CACNA2D1: variants seen among roughly 807,000 people sequenced by gnomAD.
CACNA2D1 encodes the protein calcium voltage-gated channel auxiliary subunit alpha2delta 1.
CACNA2D1 carries 53 observed loss-of-function variants against 171.5 expected under a neutral mutation model. That is an observed-to-expected ratio of 0.31 (90% CI 0.25 to 0.39). The LOEUF (loss-of-function observed/expected upper bound fraction) is 0.39. Ranked by LOEUF, CACNA2D1 falls within the 10% of genes least tolerant of loss-of-function variation. The pLI is 1.00. For synonymous variants in CACNA2D1, 442 were observed against 443.1 expected (o/e 1.00, Z 0.03); for missense variants, 903 against 1,299.8 (o/e 0.69, Z 4.69).
chr7:82,389,718 C>T (rs909312129), intron 1 of CACNA2D1, among the ~76,000 whole-genome samples: 1 of 152,160 alleles, frequency 6.6e-6, no homozygotes, highest in Non-Finnish European at 1.5e-5. Flanking sequence ...CTTTAAAACA[C>T]AGTTAACTGT....
intron 3 of CACNA2D1, among the ~76,000 whole-genome samples, chr7:82,278,452 G>C (rs1809638536): frequency 6.6e-6 from 1 of 151,422 alleles, no homozygotes; most frequent in South Asian, 2.1e-4. Flanking sequence ...CAGCTACTCA[G>C]GAGGCTGAGG....
At chr7:82,388,172 T>C (rs1481912037) in intron 1 of CACNA2D1, among the ~76,000 whole-genome samples, 1 of 152,190 alleles carries the variant, frequency 6.6e-6, no homozygotes, top group South Asian at 2.1e-4. Context: ...CTTCTTCTTA[T>C]ATAAAAACAG....
At chr7:82,009,136 G>A (rs1258749528) in intron 15 of CACNA2D1, 1 of 152,024 alleles carries the variant, frequency 6.6e-6, no homozygotes, top group African/African-American at 2.4e-5. Flanking sequence ...AATTTCTCAC[G>A]AGGTCTGATG....
Position 81,984,685 on chromosome 7 carries a change from C to T in CACNA2D1, c.1823G>A (p.Ser608Asn). The change falls in exon 22 of 39, where the codon AGT (serine) becomes AAT (asparagine). Residue 608 changes from serine to asparagine, a missense_variant. By Grantham distance (46) the Ser-to-Asn change is conservative. This residue lies in a region of CACNA2D1 where 623 missense variants were observed against 925.5 expected (regional missense o/e 0.67). Coordinates refer to ENST00000356860, the MANE Select transcript of CACNA2D1 (RefSeq NM_000722.4). The part of the protein sequence containing the change: ...YSLALVLPTY[S>N]FYYIKAKLEE... ...TAGTTTGGCTTTTATATAGTAAAAA[C>T]TGTAGGTTGGTAATACCAAGGCCAA... 1 of 1,566,770 alleles carries T rather than the reference C, an allele frequency of 6.4e-7. No homozygotes were observed. The highest frequency in any genetic ancestry group is 8.7e-7 in the Non-Finnish European group (1 of 1,149,996).
intron 6 of CACNA2D1, 50 bp from the exon 7 acceptor site, chr7:82,084,950 A>C: frequency 1.7e-4 from 223 of 1,306,412 alleles, no homozygotes; most frequent in Non-Finnish European, 2.3e-4. Flanking sequence ...GTAATTAAAA[A>C]CTGAATGTCT....
chr7:82,417,074 A>G (rs528440566), intron 1 of CACNA2D1, among the ~76,000 whole-genome samples: 1 of 152,336 alleles, frequency 6.6e-6, no homozygotes, highest in East Asian at 1.9e-4. Flanking sequence ...CAATCTACAT[A>G]TATGTATAGA....
At chr7:82,041,949 C>T (rs6970802) in intron 10 of CACNA2D1, among the ~76,000 whole-genome samples, 45,171 of 151,990 alleles carry the variant, frequency 0.3, 7,049 homozygotes, top group African/African-American at 0.38. Context: ...ATGTATTGCT[C>T]AGAGTCTTTC....
intron 3 of CACNA2D1, among the ~76,000 whole-genome samples, chr7:82,177,806 G>C (rs988110627): frequency 1.3e-5 from 2 of 152,046 alleles, no homozygotes; most frequent in Non-Finnish European, 2.9e-5. Flanking sequence ...AAGACATGTT[G>C]ATCCCCTCTC....
chr7:81,967,094 T>C (rs1049468716), intron 31 of CACNA2D1, 75 bp downstream of exon 31: 18 of 1,063,306 alleles, frequency 1.7e-5, no homozygotes, highest in African/African-American at 1.4e-4. Flanking sequence ...TGCATATTTT[T>C]TCATCACTAT....
intron 3 of CACNA2D1, among the ~76,000 whole-genome samples, chr7:82,320,035 G>T (rs1815620629): frequency 6.6e-6 from 1 of 151,916 alleles, no homozygotes; most frequent in African/African-American, 2.4e-5. Flanking sequence ...ATATGAGCTG[G>T]TATCTGGAAT....
intron 1 of CACNA2D1, among the ~76,000 whole-genome samples, chr7:82,441,596 CA>C (rs2129460085): frequency 6.6e-6 from 1 of 152,112 alleles, no homozygotes; most frequent in South Asian, 2.1e-4. Flanking sequence ...TTCTTCTTAA[CA>C]ATAAGGATTT....
At chr7:82,178,418 G>C (rs1796779307) in intron 3 of CACNA2D1, among the ~76,000 whole-genome samples, 1 of 152,068 alleles carries the variant, frequency 6.6e-6, no homozygotes. Context: ...TGGGTCTACA[G>C]CGCAAAATAA....
At chr7:82,197,692 C>T (rs1312037413) in intron 3 of CACNA2D1, among the ~76,000 whole-genome samples, 2 of 151,936 alleles carry the variant, frequency 1.3e-5, no homozygotes, top group East Asian at 3.9e-4. Context: ...TACCAGTTTT[C>T]AGAAGAATTA....
rs114046552 is a variant in CACNA2D1 at position 82,167,035 on chromosome 7, G to A, written c.354+3515C>T. On this transcript the variant is annotated intron_variant, in intron 4 of 38. Transcript: ENST00000356860. ...GAAACTTGCCTACTTACACTTGAGG[G>A]AAGAATCAGAATATTACATTGCTCT... Among the ~76,000 whole-genome samples the A allele has an allele frequency of 6.9e-3, 1,044 of 152,120 alleles. 11 individuals are homozygous for A. Among genetic ancestry groups the A allele is most frequent in the African/African-American group, 0.024 (981 of 41,532 alleles).
At chr7:82,261,284 C>T (rs970702287) in intron 3 of CACNA2D1, among the ~76,000 whole-genome samples, 1 of 152,054 alleles carries the variant, frequency 6.6e-6, no homozygotes, top group African/African-American at 2.4e-5. Flanking sequence ...TCTCCCAGAA[C>T]CTGGATGCTA....
intron 10 of CACNA2D1, among the ~76,000 whole-genome samples, chr7:82,058,480 A>T (rs2282938): frequency 0.51 from 77,123 of 152,022 alleles, 22,380 homozygotes; most frequent in Non-Finnish European, 0.64. Flanking sequence ...TTTATATACA[A>T]ATAAAGCCAA....
rs764627235 is a variant in CACNA2D1, at chr7:81,967,244, A to C, written c.2464-37T>G. Reference sequence around the variant, plus strand: ...AAATGCGATTATCACCTCACTTTTAAAAGTTGGATTTTAATTATATTATTA... The same window carrying C: ...AAATGCGATTATCACCTCACTTTTACAAGTTGGATTTTAATTATATTATTA... On this transcript the variant is annotated intron_variant, in intron 30 of 38. Coordinates refer to ENST00000356860, the MANE Select transcript of CACNA2D1 (RefSeq NM_000722.4). 3 of 1,553,954 alleles carry C rather than the reference A, an allele frequency of 1.9e-6. No homozygotes were observed. The East Asian group carries it at 6.8e-5, about 35-fold the overall frequency.
chr7:82,331,287 T>C (rs1439905288), intron 3 of CACNA2D1, among the ~76,000 whole-genome samples: 1 of 152,194 alleles, frequency 6.6e-6, no homozygotes, highest in Non-Finnish European at 1.5e-5. Context: ...ATATTCATGA[T>C]GTTTTCCACT....
At chr7:82,089,230 C>T (rs1810842898) in intron 6 of CACNA2D1, among the ~76,000 whole-genome samples, 1 of 152,136 alleles carries the variant, frequency 6.6e-6, no homozygotes, top group Admixed American at 6.5e-5. Flanking sequence ...ATTAGAAGTA[C>T]ATGAGTGTTC....
Sources: allele counts gnomAD v4.1 joint callset (sites outside exome capture counted in the v4.1 genomes callset), GRCh38; gene constraint gnomAD v4.1.1; regional missense constraint gnomAD v4.1.1; transcripts MANE v1.5; gene names NCBI Gene and HGNC (gene_info 2026-07-23, HGNC 2026-07-21).